AJM1: variants seen among roughly 807,000 people sequenced by gnomAD.
The protein encoded by AJM1 is uncharacterized protein C9orf172.
Under a neutral mutation model 43.0 loss-of-function variants are expected in AJM1, and 22 were observed. That is an observed-to-expected ratio of 0.51 (90% CI 0.37 to 0.73). AJM1 has a LOEUF of 0.73. Among genes scored for constraint, AJM1 ranks in the 30% least tolerant of loss-of-function variants. The probability of loss-of-function intolerance (pLI) is 0.00; values close to 1 mark genes in which losing one functional copy is unlikely to be tolerated. For missense variants in AJM1, 1,305 were observed against 1,343.3 expected (o/e 0.97, Z 0.45); for synonymous variants, 719 against 638.3 (o/e 1.13, Z -1.91).
At position 136,844,942 on chromosome 9, in the gene AJM1, A is replaced by G. The variant is rs1277922935; in HGVS notation, c.528A>G (p.Pro176=). The G allele has an allele frequency of 4.5e-6, 2 of 444,490 alleles. No homozygotes were observed. Among genetic ancestry groups the G allele is most frequent in the Non-Finnish European group, 7.8e-6 (2 of 256,106 alleles). 27.5% of individuals were successfully genotyped at this position (444,490 alleles called of 1,614,324 possible). The change falls in exon 3 of 3, where the codon CCA becomes CCG. Residue 176 remains proline (P), a synonymous_variant. Coordinates refer to ENST00000436881, the MANE Select transcript of AJM1 (RefSeq NM_001080482.5). The stretch of plus-strand genomic sequence containing the variant: ...CGGGCCGCTGCGCACCGCCCGAGCC[A>G]CCCGCGGGTCCCGCCCCCCACGTGC... ...AAAGRCAPPE[P]PAGPAPHVRC... is the part of the protein sequence containing the mutation.
Position 136,847,308 on chromosome 9 carries a change from G to A in AJM1, c.2894G>A (p.Trp965Ter). Residue 965 changes from tryptophan (W) to a stop codon, truncating the protein, a stop_gained, in exon 3 of 3, where the codon TGG becomes TAG. Coordinates refer to ENST00000436881, the MANE Select transcript of AJM1 (RefSeq NM_001080482.5). LOFTEE classifies it high-confidence loss of function. ...MAASEPRALD[W>*]VASANLLDDI... is the part of the protein sequence containing the mutation. ...GCCTCCGAGCCGCGCGCGCTCGACT[G>A]GGTGGCCAGCGCCAACCTGCTGGAC... 1.3e-6 allele frequency: 2 copies of A among 1,540,590 alleles called. No individual in the cohort carries two copies. Among genetic ancestry groups the A allele is most frequent in the Non-Finnish European group, 1.7e-6 (2 of 1,148,258 alleles).
chr9:136,845,897 A>G lies in AJM1; in HGVS notation c.1483A>G (p.Asn495Asp). The change falls in exon 3 of 3, where the codon AAC becomes GAC. Residue 495 changes from asparagine (N) to aspartate (D), a missense_variant. By Grantham distance (23) the Asn-to-Asp change is conservative. Around this residue, in one of 6 missense-constraint regions of AJM1, gnomAD observed 653 missense variants for 549.1 expected, o/e 1.19. Coordinates refer to ENST00000436881, the MANE Select transcript of AJM1 (RefSeq NM_001080482.5). ...AGGCCGGCGCCCGCCCGTCGTCGTGAACCTGTCCACCTCTCCCAGACGCTA... is the reference window on the plus strand; with the variant it reads ...AGGCCGGCGCCCGCCCGTCGTCGTGGACCTGTCCACCTCTCCCAGACGCTA... ...PEGRRPPVVVNLSTSPRRYAA... is the reference protein window; with the variant it reads ...PEGRRPPVVVDLSTSPRRYAA... The G allele has an allele frequency of 6.4e-7, 1 of 1,558,764 alleles. No individual in the cohort carries two copies. The highest frequency in any genetic ancestry group is 8.7e-7 in the Non-Finnish European group (1 of 1,152,878).
At position 136,847,516 on chromosome 9, in the gene AJM1, C is replaced by T. The variant is rs1039426240; in HGVS notation, c.*171C>T. The T allele has an allele frequency of 3.7e-5, 20 of 547,352 alleles. No homozygotes were observed. Among genetic ancestry groups the T allele is most frequent in the Non-Finnish European group, 5.8e-5 (19 of 329,008 alleles). The allele number at this position is 547,352 out of a possible 1,614,324, so 33.9% of individuals were successfully genotyped here. ...GCCTTCCAAGCTCCGCTCAGTTCGGCCTCCAGCTCCGCCCAGGCCCCCACC... is the reference window on the plus strand; with the variant it reads ...GCCTTCCAAGCTCCGCTCAGTTCGGTCTCCAGCTCCGCCCAGGCCCCCACC... On this transcript the variant is annotated 3_prime_UTR_variant, in exon 3 of 3. Transcript: ENST00000436881.
rs1848785459 is a variant in AJM1, at chr9:136,846,978, G to A, written c.2564G>A (p.Gly855Asp). 2 of 1,241,038 alleles carry A rather than the reference G, an allele frequency of 1.6e-6. No homozygotes were observed. The highest frequency in any genetic ancestry group is 1.7e-5 in the South Asian group (1 of 58,438). 76.9% of individuals were successfully genotyped at this position (1,241,038 alleles called of 1,614,324 possible). A position where few individuals can be genotyped will look rare whatever the true frequency, so the allele number is the denominator to read the frequency against. Residue 855 changes from glycine (G) to aspartate (D), a missense_variant, in exon 3 of 3, where the codon GGC (glycine) becomes GAC (aspartate). Around this residue, in one of 6 missense-constraint regions of AJM1, gnomAD observed 391 missense variants for 507.5 expected, o/e 0.77. Coordinates refer to ENST00000436881, the MANE Select transcript of AJM1 (RefSeq NM_001080482.5). ...TTCGCCAAGGTAGCGCTGGCGGCCG[G>A]CAGCCCCGCGCGGCCGCCCCCGGCG... ...RKFAKVALAAGSPARPPPARS... is the reference protein window; with the variant it reads ...RKFAKVALAADSPARPPPARS...
At position 136,846,568 on chromosome 9, in the gene AJM1, G is replaced by C. The variant is rs1588381985; in HGVS notation, c.2154G>C (p.Val718=). The C allele has an allele frequency of 1.9e-6, 3 of 1,592,818 alleles. No homozygotes were observed. In the East Asian group the frequency reaches 6.7e-5, roughly 36 times the overall value. ...GCGTGTACGGCCGCGTGGGCAGCGT[G>C]TGCCGCCACGTACTGCAGTTTTGCC... ...ARCVYGRVGS[V]CRHVLQFCRD... Residue 718 remains valine, a synonymous_variant, in exon 3 of 3, where the codon GTG becomes GTC. Coordinates refer to ENST00000436881, the MANE Select transcript of AJM1 (RefSeq NM_001080482.5).
intron 1 of AJM1, among the ~76,000 whole-genome samples, chr9:136,843,650 G>A (rs1848731611): frequency 6.6e-6 from 1 of 152,246 alleles, no homozygotes; most frequent in Non-Finnish European, 1.5e-5. Context: ...TTTAGGGCCC[G>A]GGTATGCTCT....
At position 136,847,249 on chromosome 9, in the gene AJM1, C is replaced by A. The variant is rs1422294707; in HGVS notation, c.2835C>A (p.Arg945=). 3 of 1,601,062 alleles carry A rather than the reference C, an allele frequency of 1.9e-6. No individual in the cohort carries two copies. The highest frequency in any genetic ancestry group is 2.2e-5 in the South Asian group (2 of 90,176). Residue 945 remains arginine, a synonymous_variant, in exon 3 of 3, where the codon CGC becomes CGA. Transcript: ENST00000436881. The stretch of plus-strand genomic sequence containing the variant: ...CCACCATCTACCCCACGGACCGGCG[C>A]ACCGGCCGCCCCTTCATGTGCATGA... The part of the protein sequence containing the change: ...TPTTIYPTDR[R]TGRPFMCMIM...
rs922514553 is a variant in AJM1, at chr9:136,846,885, C to G, written c.2471C>G (p.Thr824Ser). The G allele has an allele frequency of 3.3e-6, 5 of 1,534,040 alleles. No individual in the cohort carries two copies. Among genetic ancestry groups the G allele is most frequent in the African/African-American group, 1.4e-5 (1 of 70,666 alleles). ...LSVSVAVGPG[T>S]APPGTPALPA... is the part of the protein sequence containing the mutation. ...GTGTCCGTGGCCGTGGGACCCGGCACCGCGCCACCGGGGACACCGGCCCTG... is the reference window on the plus strand; with the variant it reads ...GTGTCCGTGGCCGTGGGACCCGGCAGCGCGCCACCGGGGACACCGGCCCTG... The change falls in exon 3 of 3, where the codon ACC becomes AGC. Residue 824 changes from threonine (T) to serine (S), a missense_variant. This residue lies in a region of AJM1 where 391 missense variants were observed against 507.5 expected (regional missense o/e 0.77). Transcript: ENST00000436881.
Position 136,844,440 on chromosome 9 carries a change from T to C in AJM1, c.26T>C (p.Leu9Pro). The change falls in exon 3 of 3, where the codon CTG becomes CCG. Residue 9 changes from leucine (L) to proline (P), a missense_variant. By Grantham distance (98) the Leu-to-Pro change is moderately conservative (BLOSUM62 -3). This residue lies in a region of AJM1 where 128 missense variants were observed against 120.6 expected (regional missense o/e 1.06). Transcript: ENST00000436881. MTRTDPPD[L>P]LVSTVYQDIK... ...ATGACCCGTACGGACCCTCCGGACC[T>C]GCTGGTGTCGACCGTGTACCAGGAC... 6.2e-7 allele frequency: 1 copy of C among 1,612,000 alleles called. No individual in the cohort carries two copies. The highest frequency in any genetic ancestry group is 8.5e-7 in the Non-Finnish European group (1 of 1,179,322).
rs1438689612 is a variant in AJM1 at position 136,845,326 on chromosome 9, C to A, written c.912C>A (p.Ala304=). The A allele has an allele frequency of 3.7e-6, 6 of 1,612,188 alleles. No homozygotes were observed. Among genetic ancestry groups the A allele is most frequent in the Non-Finnish European group, 5.1e-6 (6 of 1,179,826 alleles). Residue 304 remains alanine (A), a synonymous_variant, in exon 3 of 3, where the codon GCC becomes GCA. Coordinates refer to ENST00000436881, the MANE Select transcript of AJM1 (RefSeq NM_001080482.5). The part of the protein sequence containing the change: ...FAASPGPTFD[A]YYPRPYPSEE... ...CCAGTCCCGGCCCAACCTTCGACGC[C>A]TACTACCCCAGGCCCTATCCGTCCG...
chr9:136,848,147 C>T lies in AJM1; in HGVS notation c.*802C>T, dbSNP rs1200941676. 1 of 152,458 alleles carries T rather than the reference C, an allele frequency of 6.6e-6. No individual in the cohort carries two copies. The highest frequency in any genetic ancestry group is 2.4e-5 in the African/African-American group (1 of 41,474). The allele number at this position is 152,458 out of a possible 1,614,324, so 9.4% of individuals were successfully genotyped here. ...CAGGCCGATATGCAAGTCTCCCAGC[C>T]GAAGGGGCAGGGGACCTGAACAGGG... On this transcript the variant is annotated 3_prime_UTR_variant, in exon 3 of 3. Transcript: ENST00000436881.
chr9:136,846,858 GCGTGTC>G lies in AJM1; in HGVS notation c.2449_2454del (p.Ser817_Val818del). On this transcript the variant is annotated inframe_deletion, in exon 3 of 3. Coordinates refer to ENST00000436881, the MANE Select transcript of AJM1 (RefSeq NM_001080482.5). ...GAACCGGCAGAGTGCTTCCTGCTCA[GCGTGTC>G]CGTGGCCGTGGGACCCGGCACCGCG... 6.4e-7 allele frequency: 1 copy of G among 1,572,470 alleles called. No homozygotes were observed. The highest frequency in any genetic ancestry group is 8.6e-7 in the Non-Finnish European group (1 of 1,168,278).
At position 136,847,221 on chromosome 9, in the gene AJM1, C is replaced by T; in HGVS notation, c.2807C>T (p.Pro936Leu). The change falls in exon 3 of 3, where the codon CCC becomes CTC. Residue 936 changes from proline to leucine, a missense_variant. By Grantham distance (98) the Pro-to-Leu change is moderately conservative (BLOSUM62 -3). Around this residue, in one of 6 missense-constraint regions of AJM1, gnomAD observed 116 missense variants for 113.4 expected, o/e 1.02. Transcript: ENST00000436881. Reference protein sequence around the residue: ...EFVEANRRFTPTTIYPTDRRT... With the variant: ...EFVEANRRFTLTTIYPTDRRT... ...GTCGAGGCCAACAGGCGCTTCACGCCCACCACCATCTACCCCACGGACCGG... is the reference window on the plus strand; with the variant it reads ...GTCGAGGCCAACAGGCGCTTCACGCTCACCACCATCTACCCCACGGACCGG... 6.2e-7 allele frequency: 1 copy of T among 1,606,016 alleles called. No homozygotes were observed. Among genetic ancestry groups the T allele is most frequent in the Non-Finnish European group, 8.5e-7 (1 of 1,178,884 alleles).
At position 136,845,188 on chromosome 9, in the gene AJM1, GCCT is replaced by G; in HGVS notation, c.775_777del (p.Pro259del). ...GGGCGTTCTACTGCGACGGGCCCCT[GCCT>G]GGGCCCCGGGACTACGCCGAGCGCC... On this transcript the variant is annotated inframe_deletion, in exon 3 of 3. Transcript: ENST00000436881. The G allele has an allele frequency of 6.3e-7, 1 of 1,588,544 alleles. No homozygotes were observed. The highest frequency in any genetic ancestry group is 2.3e-5 in the East Asian group (1 of 44,212).
At chr9:136,842,816 C>G (rs1232419090) in intron 1 of AJM1, among the ~76,000 whole-genome samples, 1 of 152,226 alleles carries the variant, frequency 6.6e-6, no homozygotes, top group Non-Finnish European at 1.5e-5. Context: ...CGGGAGAGGG[C>G]CGACCCCACC....
Position 136,844,402 on chromosome 9 carries a change from G to C in AJM1, c.-13G>C. On this transcript the variant is annotated 5_prime_UTR_variant, in exon 3 of 3. Transcript: ENST00000436881. ...TGTGAGCTGGAGCCGCCAGCCTGGG[G>C]ACCTCTTTTAAGATGACCCGTACGG... 1 of 1,605,846 alleles carries C rather than the reference G, an allele frequency of 6.2e-7. No homozygotes were observed. Among genetic ancestry groups the C allele is most frequent in the East Asian group, 2.2e-5 (1 of 44,742 alleles).
At position 136,846,442 on chromosome 9, in the gene AJM1, G is replaced by C; in HGVS notation, c.2028G>C (p.Met676Ile). 3.1e-6 allele frequency: 5 copies of C among 1,593,894 alleles called. No individual in the cohort carries two copies. Among genetic ancestry groups the C allele is most frequent in the Non-Finnish European group, 3.4e-6 (4 of 1,178,324 alleles). Residue 676 changes from methionine to isoleucine, a missense_variant, in exon 3 of 3, where the codon ATG becomes ATC. Met to Ile is a conservative substitution (Grantham distance 10, BLOSUM62 1). Coordinates refer to ENST00000436881, the MANE Select transcript of AJM1 (RefSeq NM_001080482.5). ...SNARCRRTET[M>I]FNACLYFKSC... ...CGCGCTGCCGGCGCACCGAGACCATGTTCAACGCCTGCCTCTACTTCAAGT... is the reference window on the plus strand; with the variant it reads ...CGCGCTGCCGGCGCACCGAGACCATCTTCAACGCCTGCCTCTACTTCAAGT...
Position 136,844,430 on chromosome 9 carries a change from C to T in AJM1, c.16C>T (p.Pro6Ser), listed in dbSNP as rs1427195286. The change falls in exon 3 of 3, where the codon CCT (proline) becomes TCT (serine). Residue 6 changes from proline (P) to serine (S), a missense_variant. Coordinates refer to ENST00000436881, the MANE Select transcript of AJM1 (RefSeq NM_001080482.5). ...CTCTTTTAAGATGACCCGTACGGACCCTCCGGACCTGCTGGTGTCGACCGT... is the reference window on the plus strand; with the variant it reads ...CTCTTTTAAGATGACCCGTACGGACTCTCCGGACCTGCTGGTGTCGACCGT... MTRTD[P>S]PDLLVSTVYQ... 7.4e-6 allele frequency: 12 copies of T among 1,611,670 alleles called. No individual in the cohort carries two copies. In the African/African-American group the frequency reaches 1.1e-4, roughly 14 times the overall value.
rs1475624983 is a variant in AJM1, at chr9:136,846,985, C to T, written c.2571C>T (p.Pro857=). Reference sequence around the variant, plus strand: ...AGGTAGCGCTGGCGGCCGGCAGCCCCGCGCGGCCGCCCCCGGCGCGGAGCC... The same window carrying T: ...AGGTAGCGCTGGCGGCCGGCAGCCCTGCGCGGCCGCCCCCGGCGCGGAGCC... ...FAKVALAAGS[P]ARPPPARSRE... is the part of the protein sequence containing the mutation. Residue 857 remains proline (P), a synonymous_variant, in exon 3 of 3, where the codon CCC becomes CCT. Transcript: ENST00000436881. The T allele has an allele frequency of 4.9e-6, 6 of 1,233,900 alleles. No homozygotes were observed. The highest frequency in any genetic ancestry group is 3.7e-5 in the Admixed American group (1 of 26,988). The allele number at this position is 1,233,900 out of a possible 1,614,324, so 76.4% of individuals were successfully genotyped here. A position where few individuals can be genotyped will look rare whatever the true frequency, so the allele number is the denominator to read the frequency against.
Sources: allele counts gnomAD v4.1 joint callset (sites outside exome capture counted in the v4.1 genomes callset), GRCh38; gene constraint gnomAD v4.1.1; regional missense constraint gnomAD v4.1.1; transcripts MANE v1.5; gene names NCBI Gene and HGNC (gene_info 2026-07-23, HGNC 2026-07-21).